TMPRSS15: variants seen among roughly 807,000 people sequenced by gnomAD.
The protein encoded by TMPRSS15 is enteropeptidase.
Under a neutral mutation model 125.3 loss-of-function variants are expected in TMPRSS15, and 128 were observed. The ratio of observed to expected loss-of-function variants is 1.02; its 90% confidence interval spans 0.89 to 1.18. TMPRSS15 has a LOEUF of 1.18. Among genes scored for constraint, TMPRSS15 ranks in the 50% most tolerant of loss-of-function variants. The probability of loss-of-function intolerance (pLI) is 0.00; values close to 1 mark genes in which losing one functional copy is unlikely to be tolerated. For synonymous variants in TMPRSS15, 446 were observed against 423.2 expected (o/e 1.05, Z -0.66); for missense variants, 1,283 against 1,212.7 (o/e 1.06, Z -0.86).
chr21:18,280,596 C>CAAAAAAAAAAAAAAAAA (rs1246672347), intron 22 of TMPRSS15, among the ~76,000 whole-genome samples: 1 of 102,146 alleles, frequency 9.8e-6, no homozygotes, highest in African/African-American at 4.5e-5. Context: ...AAAAAAAAAA[C>CAAAAAAAAAAAAAAAAA]AACAAAACAA....
chr21:18,386,228 G>C (rs888825372), intron 3 of TMPRSS15, among the ~76,000 whole-genome samples: 1 of 152,128 alleles, frequency 6.6e-6, no homozygotes, highest in Admixed American at 6.5e-5. Context: ...CTGAGGCTTA[G>C]AGTAATGTAG....
chr21:18,325,045 C>T lies in TMPRSS15; in HGVS notation c.1921+1387G>A, dbSNP rs2075275123. Among the ~76,000 whole-genome samples, 3 of 151,990 alleles carry T rather than the reference C, an allele frequency of 2.0e-5. No homozygotes were observed. The South Asian group carries it at 6.2e-4, about 31-fold the overall frequency. ...GATTAACATTTTCCAAAGCAATGAT[C>T]AAATTTTCTTCTAAGTTAAATTCTC... is the stretch of plus-strand genomic sequence containing the variant. On this transcript the variant is annotated intron_variant, in intron 16 of 24. Coordinates refer to ENST00000284885, the MANE Select transcript of TMPRSS15 (RefSeq NM_002772.3).
At position 18,269,889 on chromosome 21, in the gene TMPRSS15, G is replaced by T; in HGVS notation, c.*80C>A. The stretch of plus-strand genomic sequence containing the variant: ...CCTTTGGTAACTTTTTAAAATTTTT[G>T]TACGAAACACTTAATTTCCATGCTT... On this transcript the variant is annotated 3_prime_UTR_variant, in exon 25 of 25. Coordinates refer to ENST00000284885, the MANE Select transcript of TMPRSS15 (RefSeq NM_002772.3). The T allele has an allele frequency of 6.4e-7, 1 of 1,552,310 alleles. No homozygotes were observed.
rs374128782 is a variant in TMPRSS15 at position 18,294,623 on chromosome 21, C to G, written c.2291G>C (p.Arg764Pro). The change falls in exon 20 of 25, where the codon CGG (arginine) becomes CCG (proline). Residue 764 changes from arginine to proline, a missense_variant. Coordinates refer to ENST00000284885, the MANE Select transcript of TMPRSS15 (RefSeq NM_002772.3). ...SQQCLQDSLI[R>P]LQCNHKSCGK... Reference sequence around the variant, plus strand: ...CTTACATTTATGGTTACACTGTAACCGAATCAAGGAATCCTGTAAACACTG... The same window carrying G: ...CTTACATTTATGGTTACACTGTAACGGAATCAAGGAATCCTGTAAACACTG... The G allele has an allele frequency of 1.1e-5, 18 of 1,611,030 alleles. No individual in the cohort carries two copies. The Admixed American group carries it at 2.8e-4, about 25-fold the overall frequency.
At chr21:18,296,781 T>C (rs1428929655) in intron 19 of TMPRSS15, among the ~76,000 whole-genome samples, 3 of 152,210 alleles carry the variant, frequency 2.0e-5, no homozygotes, top group Admixed American at 6.5e-5. Flanking sequence ...GATGCTTTGC[T>C]TCATATCCGA....
At chr21:18,439,345 T>G (rs1275401542) in intron 1 of TMPRSS15, among the ~76,000 whole-genome samples, 1 of 152,188 alleles carries the variant, frequency 6.6e-6, no homozygotes, top group Non-Finnish European at 1.5e-5. Flanking sequence ...CCCAGAGATA[T>G]TCATCAAGAT....
intron 1 of TMPRSS15, among the ~76,000 whole-genome samples, chr21:18,430,964 A>G (rs775451115): frequency 6.6e-6 from 1 of 152,232 alleles, no homozygotes; most frequent in Non-Finnish European, 1.5e-5. Context: ...CCAAAACTCT[A>G]CACATGTTAG....
At chr21:18,349,242 A>G (rs571461855) in intron 10 of TMPRSS15, among the ~76,000 whole-genome samples, 2 of 152,298 alleles carry the variant, frequency 1.3e-5, no homozygotes, top group South Asian at 4.1e-4. Context: ...TTCTAAATGA[A>G]TGGGCCACTT....
chr21:18,398,211 G>T lies in TMPRSS15; in HGVS notation c.264C>A (p.Asp88Glu). ...GTCAGTCTCCTACCATTTGCTGAAGGTCAAAAGCAAGAACTTTGAAATCCA... is the reference window on the plus strand; with the variant it reads ...GTCAGTCTCCTACCATTTGCTGAAGTTCAAAAGCAAGAACTTTGAAATCCA... ...LSVDFKVLAF[D>E]LQQMIDEIFL... Residue 88 changes from aspartate to glutamate, a missense_variant, in exon 2 of 25, where the codon GAC (aspartate) becomes GAA (glutamate). By Grantham distance (45) the Asp-to-Glu change is conservative. Transcript: ENST00000284885. 1 of 1,613,778 alleles carries T rather than the reference G, an allele frequency of 6.2e-7. No individual in the cohort carries two copies. The highest frequency in any genetic ancestry group is 1.7e-5 in the Admixed American group (1 of 60,004).
At chr21:18,451,887 T>C (rs1450984260) in intron 1 of TMPRSS15, among the ~76,000 whole-genome samples, 1 of 124,048 alleles carries the variant, frequency 8.1e-6, no homozygotes, top group Non-Finnish European at 1.7e-5. Flanking sequence ...GCATAAGACA[T>C]GCATGACATG....
chr21:18,352,466 T>A lies in TMPRSS15; in HGVS notation c.1171+437A>T, dbSNP rs568012942. ...GGAACATCGGAGATAACAAACAAATTCAGCAGGACTGCTGTTGGGTCTAAG... is the reference window on the plus strand; with the variant it reads ...GGAACATCGGAGATAACAAACAAATACAGCAGGACTGCTGTTGGGTCTAAG... On this transcript the variant is annotated intron_variant, in intron 10 of 24. Coordinates refer to ENST00000284885, the MANE Select transcript of TMPRSS15 (RefSeq NM_002772.3). 2.5e-3 allele frequency among the ~76,000 whole-genome samples: 385 copies of A among 152,140 alleles called. 3 individuals carry two copies. Among genetic ancestry groups the A allele is most frequent in the Non-Finnish European group, 4.3e-3 (290 of 67,942 alleles).
intron 13 of TMPRSS15, among the ~76,000 whole-genome samples, chr21:18,333,565 T>G (rs2146971476): frequency 6.6e-6 from 1 of 152,268 alleles, no homozygotes; most frequent in Admixed American, 6.5e-5. Context: ...TTTATTTATT[T>G]TTTGGTAGTC....
intron 3 of TMPRSS15, among the ~76,000 whole-genome samples, chr21:18,385,020 A>G (rs955857618): frequency 5.3e-5 from 8 of 152,134 alleles, no homozygotes; most frequent in Admixed American, 1.3e-4. Context: ...GGCACTATTC[A>G]GTTTCACAGT....
At position 18,383,602 on chromosome 21, in the gene TMPRSS15, G is replaced by T. The variant is rs763758058; in HGVS notation, c.496+25C>A. ...TAATTTCATAGCTTAATGATTCAAA[G>T]AAATCAAATAATGTTCACACATACC... On this transcript the variant is annotated intron_variant, in intron 4 of 24. Coordinates refer to ENST00000284885, the MANE Select transcript of TMPRSS15 (RefSeq NM_002772.3). The T allele has an allele frequency of 9.9e-6, 16 of 1,611,264 alleles. No individual in the cohort carries two copies. The Admixed American group carries it at 2.3e-4, about 24-fold the overall frequency.
rs374368287 is a variant in TMPRSS15 at position 18,281,175 on chromosome 21, T to C, written c.2533A>G (p.Met845Val). ...TGAGGAGAGGTCAGATTTGATTTCA[T>C]ATGCAGGCCTAGGATTGCTGTCCAC... is the stretch of plus-strand genomic sequence containing the variant. ...SKWTAILGLH[M>V]KSNLTSPQTV... The change falls in exon 22 of 25, where the codon ATG becomes GTG. Residue 845 changes from methionine (M) to valine (V), a missense_variant. Transcript: ENST00000284885. 10 of 1,614,006 alleles carry C rather than the reference T, an allele frequency of 6.2e-6. No individual in the cohort carries two copies. The highest frequency in any genetic ancestry group is 7.6e-6 in the Non-Finnish European group (9 of 1,180,008).
At chr21:18,433,019 A>C (rs1172817965) in intron 1 of TMPRSS15, among the ~76,000 whole-genome samples, 1 of 152,200 alleles carries the variant, frequency 6.6e-6, no homozygotes, top group Non-Finnish European at 1.5e-5. Context: ...GTATCATGGC[A>C]AAAAATTGAA....
At chr21:18,464,448 C>A (rs1978615649) in intron 1 of TMPRSS15, among the ~76,000 whole-genome samples, 1 of 151,906 alleles carries the variant, frequency 6.6e-6, no homozygotes, top group African/African-American at 2.4e-5. Flanking sequence ...ACGAGAAACC[C>A]TTCAAAAAAA....
intron 4 of TMPRSS15, chr21:18,380,610 C>T (rs1410497159): frequency 4.3e-6 from 2 of 470,476 alleles, no homozygotes; most frequent in Admixed American, 2.4e-5. Flanking sequence ...GTTGATTTAA[C>T]ACATGAGTTT....
Position 18,277,226 on chromosome 21 carries a change from C to A in TMPRSS15, c.2764+1738G>T, listed in dbSNP as rs189666947. 4.4e-3 allele frequency among the ~76,000 whole-genome samples: 668 copies of A among 152,174 alleles called. 3 individuals are homozygous for A. The highest frequency in any genetic ancestry group is 0.015 in the African/African-American group (626 of 41,514). On this transcript the variant is annotated intron_variant, in intron 23 of 24. Coordinates refer to ENST00000284885, the MANE Select transcript of TMPRSS15 (RefSeq NM_002772.3). ...ATACAGTTTATTTCCTGGCTCCATA[C>A]CACTCTTAGAGACTTTCTTAAGTTA...
Sources: gnomAD v4.1 joint callset for allele counts (sites outside exome capture counted in the v4.1 genomes callset) on GRCh38, gnomAD v4.1.1 for gene constraint, MANE v1.5 for transcripts, NCBI Gene and HGNC (gene_info 2026-07-23, HGNC 2026-07-21) for gene names.